Variants in SDK1 observed in about 807,000 individuals in gnomAD.
SDK1 encodes the protein sidekick cell adhesion molecule 1.
In SDK1, 157 loss-of-function variants were observed where a neutral mutation model predicts 245.5. That is an observed-to-expected ratio of 0.64 (90% CI 0.56 to 0.73). SDK1 has a LOEUF of 0.73. SDK1 is among the 30% of genes least tolerant of loss of function. The probability of loss-of-function intolerance (pLI) is 0.00; values close to 1 mark genes in which losing one functional copy is unlikely to be tolerated. For synonymous variants in SDK1, 1,647 were observed against 1,278.5 expected (o/e 1.29, Z -6.15); for missense variants, 3,583 against 3,002.3 (o/e 1.19, Z -4.52).
At chr7:3,642,715 G>A (rs959275076) in intron 4 of SDK1, 3 of 152,138 alleles carry the variant, frequency 2.0e-5, no homozygotes, top group African/African-American at 7.2e-5. Context: ...TCTAATGCCC[G>A]ACAGGTTTTC....
chr7:3,911,125 A>T (rs1449983050), intron 5 of SDK1, among the ~76,000 whole-genome samples: 1 of 152,214 alleles, frequency 6.6e-6, no homozygotes, highest in Non-Finnish European at 1.5e-5. Flanking sequence ...TAACTGGGAC[A>T]AAAGTTGAAA....
At chr7:3,877,273 G>T (rs1020541893) in intron 5 of SDK1, among the ~76,000 whole-genome samples, 9 of 152,202 alleles carry the variant, frequency 5.9e-5, no homozygotes, top group Non-Finnish European at 2.9e-5. Context: ...TCTGAGCTAT[G>T]TTTCCTCCAC....
At chr7:3,356,767 T>C (rs1290384216) in intron 1 of SDK1, among the ~76,000 whole-genome samples, 1 of 152,044 alleles carries the variant, frequency 6.6e-6, no homozygotes, top group East Asian at 1.9e-4. Context: ...AAAAAATACA[T>C]CTTTCTGAGG....
chr7:3,974,400 A>G lies in SDK1; in HGVS notation c.1849A>G (p.Thr617Ala). Residue 617 changes from threonine to alanine, a missense_variant, in exon 13 of 45, where the codon ACT (threonine) becomes GCT (alanine). Transcript: ENST00000404826. ...TTGGAAGAAGGACAACGTGGCCCTG[A>G]CTCCATCGAGCACGTCTAGGATCGT... ...YVWKKDNVAL[T>A]PSSTSRIVVE... 1 of 1,613,706 alleles carries G rather than the reference A, an allele frequency of 6.2e-7. No homozygotes were observed. The highest frequency in any genetic ancestry group is 8.5e-7 in the Non-Finnish European group (1 of 1,179,832).
intron 1 of SDK1, among the ~76,000 whole-genome samples, chr7:3,378,391 C>G (rs957147944): frequency 6.6e-6 from 1 of 152,182 alleles, no homozygotes; most frequent in Non-Finnish European, 1.5e-5. Flanking sequence ...GACATTTGTG[C>G]TCAGATGACC....
intron 1 of SDK1, among the ~76,000 whole-genome samples, chr7:3,332,225 G>C (rs961236035): frequency 3.9e-5 from 6 of 152,226 alleles, no homozygotes; most frequent in East Asian, 1.9e-4. Context: ...TTGAATTATA[G>C]TTTTAAGTCT....
intron 25 of SDK1, among the ~76,000 whole-genome samples, chr7:4,126,316 A>G (rs1784387469): frequency 6.6e-6 from 1 of 152,282 alleles, no homozygotes; most frequent in African/African-American, 2.4e-5. Flanking sequence ...CCTTGTTTTT[A>G]AAGTTTCACT....
chr7:3,511,364 G>C (rs1458577010), intron 1 of SDK1, among the ~76,000 whole-genome samples: 1 of 152,104 alleles, frequency 6.6e-6, no homozygotes, highest in East Asian at 1.9e-4. Flanking sequence ...AAAGATTTTA[G>C]ATAAAGCTCC....
chr7:3,923,065 G>C (rs1168771498), intron 5 of SDK1, among the ~76,000 whole-genome samples: 1 of 152,096 alleles, frequency 6.6e-6, no homozygotes, highest in Non-Finnish European at 1.5e-5. Context: ...TGTTAATTTT[G>C]GCAATTGTAT....
chr7:3,689,903 C>T (rs1583310432), intron 4 of SDK1, among the ~76,000 whole-genome samples: 1 of 152,210 alleles, frequency 6.6e-6, no homozygotes, highest in Non-Finnish European at 1.5e-5. Context: ...ACAGCCAGAA[C>T]ATGTGTGTCT....
chr7:4,249,040 C>T (rs1387000248), intron 44 of SDK1, among the ~76,000 whole-genome samples: 2 of 151,712 alleles, frequency 1.3e-5, no homozygotes, highest in African/African-American at 4.8e-5. Flanking sequence ...TGCACATATG[C>T]ATATACACCT....
At position 3,423,975 on chromosome 7, in the gene SDK1, A is replaced by G. The variant is rs577778032; in HGVS notation, c.298+122091A>G. Among the ~76,000 whole-genome samples the G allele has an allele frequency of 1.6e-4, 24 of 151,126 alleles. No individual in the cohort carries two copies. The South Asian group carries it at 4.6e-3, about 29-fold the overall frequency. On this transcript the variant is annotated intron_variant, in intron 1 of 44. Coordinates refer to ENST00000404826, the MANE Select transcript of SDK1 (RefSeq NM_152744.4). ...TGCCCAGGCTGGAGTGCAGTGGTAC[A>G]ATCTTGACTCACTGCAACCTCCGCC...
chr7:3,536,901 G>C (rs1453433327), intron 1 of SDK1, among the ~76,000 whole-genome samples: 1 of 152,128 alleles, frequency 6.6e-6, no homozygotes, highest in Non-Finnish European at 1.5e-5. Context: ...ATCAGTAGTT[G>C]TTTAGTTGAA....
At chr7:3,545,648 G>T (rs1004241927) in intron 1 of SDK1, among the ~76,000 whole-genome samples, 2 of 152,084 alleles carry the variant, frequency 1.3e-5, no homozygotes, top group Admixed American at 1.3e-4. Flanking sequence ...CTCTGCTATG[G>T]TGCCCATGTG....
rs1245646313 is a variant in SDK1, at chr7:3,619,185, A to C, written c.404A>C (p.Glu135Ala). The C allele has an allele frequency of 1.2e-6, 2 of 1,613,822 alleles. No homozygotes were observed. Among genetic ancestry groups the C allele is most frequent in the Non-Finnish European group, 1.7e-6 (2 of 1,179,844 alleles). The change falls in exon 2 of 45, where the codon GAG becomes GCG. Residue 135 changes from glutamate (E) to alanine (A), a missense_variant. By Grantham distance (107) the Glu-to-Ala change is moderately radical. Coordinates refer to ENST00000404826, the MANE Select transcript of SDK1 (RefSeq NM_152744.4). ...CTTGCCGAAGGGAGCTGGCCTTTGGAGTTCAAGTGGATGCGCGATGACAGT... is the reference window on the plus strand; with the variant it reads ...CTTGCCGAAGGGAGCTGGCCTTTGGCGTTCAAGTGGATGCGCGATGACAGT... ...TCLAEGSWPL[E>A]FKWMRDDSEL... is the part of the protein sequence containing the mutation.
chr7:4,234,367 C>T lies in SDK1; in HGVS notation c.5992+948C>T, dbSNP rs1016770427. On this transcript the variant is annotated intron_variant, in intron 41 of 44. Coordinates refer to ENST00000404826, the MANE Select transcript of SDK1 (RefSeq NM_152744.4). ...GAGAAGGCCAGGGCAGGGCTTCCTC[C>T]CCGAGAGCACCCGTGTTAGATGACA... Among the ~76,000 whole-genome samples, 4 of 152,292 alleles carry T rather than the reference C, an allele frequency of 2.6e-5. No individual in the cohort carries two copies. In the South Asian group the frequency reaches 8.3e-4, roughly 32 times the overall value.
At chr7:4,254,517 C>G (rs927530205) in intron 44 of SDK1, among the ~76,000 whole-genome samples, 8 of 152,094 alleles carry the variant, frequency 5.3e-5, no homozygotes, top group African/African-American at 1.9e-4. Context: ...TGTCATCATA[C>G]CTTTAATTTT....
At chr7:3,871,566 G>A (rs1171362664) in intron 5 of SDK1, among the ~76,000 whole-genome samples, 2 of 152,210 alleles carry the variant, frequency 1.3e-5, no homozygotes, top group South Asian at 2.1e-4. Context: ...GCCAGCCTCT[G>A]CTCAGCTTTT....
intron 1 of SDK1, among the ~76,000 whole-genome samples, chr7:3,440,648 CT>C (rs1185508183): frequency 9.9e-5 from 15 of 152,102 alleles, no homozygotes; most frequent in Admixed American, 9.8e-4. Context: ...ATAGAAAGTG[CT>C]TCCTTTAAAT....
Sources: allele counts gnomAD v4.1 joint callset (sites outside exome capture counted in the v4.1 genomes callset), GRCh38; gene constraint gnomAD v4.1.1; transcripts MANE v1.5; gene names NCBI Gene and HGNC (gene_info 2026-07-23, HGNC 2026-07-21).